ZNF85: variants seen among roughly 807,000 people sequenced by gnomAD.
The protein encoded by ZNF85 is zinc finger protein 85 (HPF4, HTF1).
In ZNF85, 50 loss-of-function variants were observed where a neutral mutation model predicts 53.9. The ratio of observed to expected loss-of-function variants is 0.93; its 90% CI spans 0.74 to 1.17. The LOEUF (loss-of-function observed/expected upper bound fraction) is 1.17. Ranked by LOEUF, ZNF85 falls within the 50% of genes most tolerant of loss-of-function variation. The pLI, the probability that ZNF85 is intolerant of heterozygous loss-of-function variation, is 0.00. For synonymous variants in ZNF85, 225 were observed against 226.1 expected, an observed-to-expected ratio of 1.00 and a Z score of 0.04; for missense variants, 747 against 688.5, an observed-to-expected ratio of 1.08 and a Z score of -0.95.
Position 20,941,132 on chromosome 19 carries a change from T to C in ZNF85, c.229+6085T>C, listed in dbSNP as rs368926880. 5.9e-5 allele frequency among the ~76,000 whole-genome samples: 9 copies of C among 152,348 alleles called. No individual in the cohort carries two copies. The South Asian group carries it at 1.0e-3, about 18-fold the overall frequency. On this transcript the variant is annotated intron_variant, in intron 3 of 3. Coordinates refer to ENST00000328178, the MANE Select transcript of ZNF85 (RefSeq NM_003429.5). ...CCACCAGTTAGTATGAGTTTTATTT[T>C]CATTGCATCAGCAACAAATTTGGTG... is the stretch of plus-strand genomic sequence containing the variant.
chr19:20,937,838 C>T (rs1365998868), intron 3 of ZNF85, among the ~76,000 whole-genome samples: 1 of 152,174 alleles, frequency 6.6e-6, no homozygotes, highest in Admixed American at 6.5e-5. Flanking sequence ...AGGGCAGGGC[C>T]TCTTTCATAC....
In ZNF85 at chr19:20,930,298, A is replaced by G. The variant is rs183441799; in HGVS notation, c.4-3726A>G. Among the ~76,000 whole-genome samples the G allele has an allele frequency of 2.1e-3, 321 of 152,284 alleles. 1 individual carries two copies. Among genetic ancestry groups the G allele is most frequent in the Admixed American group, 5.4e-3 (83 of 15,280 alleles). On this transcript the variant is annotated intron_variant, in intron 1 of 3. Transcript: ENST00000328178. ...TATTAAAGTGAGTGCTTGCAGAAAC[A>G]TTCTATTTAACAACTTGTTTTCTAT...
At chr19:20,946,224 A>T (rs1568554760) in intron 3 of ZNF85, 1 of 329,014 alleles carries the variant, frequency 3.0e-6, no homozygotes, top group South Asian at 2.8e-5. Context: ...CCCTGATTCC[A>T]TTTTTATCTT....
At position 20,935,784 on chromosome 19, in the gene ZNF85, A is replaced by G. The variant is rs889726749; in HGVS notation, c.229+737A>G. ...AGGCTGTTCTCAAACTCCCAACCTC[A>G]GGTGATCCATGTGCCTTGGCCTCCC... On this transcript the variant is annotated intron_variant, in intron 3 of 3. Coordinates refer to ENST00000328178, the MANE Select transcript of ZNF85 (RefSeq NM_003429.5). Among the ~76,000 whole-genome samples the G allele has an allele frequency of 1.4e-4, 22 of 152,016 alleles. 1 individual carries two copies. In the South Asian group the frequency reaches 4.6e-3, roughly 32 times the overall value.
intron 3 of ZNF85, among the ~76,000 whole-genome samples, chr19:20,946,044 G>A (rs66783200): frequency 3.1e-3 from 133 of 42,710 alleles, no homozygotes; most frequent in Middle Eastern, 9.6e-3. Flanking sequence ...TGCCTCAAAC[G>A]TTTTTTTTTT....
At chr19:20,932,169 C>T (rs1973038540) in intron 1 of ZNF85, among the ~76,000 whole-genome samples, 1 of 151,912 alleles carries the variant, frequency 6.6e-6, no homozygotes, top group Non-Finnish European at 1.5e-5. Context: ...GTAATTTGTT[C>T]AAAGAATCTC....
chr19:20,944,927 T>A (rs1183287439), intron 3 of ZNF85, among the ~76,000 whole-genome samples: 2 of 152,166 alleles, frequency 1.3e-5, no homozygotes, highest in Non-Finnish European at 1.5e-5. Flanking sequence ...AAATATTATT[T>A]CTATTTTCCT....
chr19:20,929,126 CT>C, intron 1 of ZNF85, among the ~76,000 whole-genome samples: 1 of 149,834 alleles, frequency 6.7e-6, no homozygotes. Context: ...GAGATAGAGT[CT>C]TGCTCTGTCA....
At position 20,950,274 on chromosome 19, in the gene ZNF85, T is replaced by C; in HGVS notation, c.1760T>C (p.Ile587Thr). The C allele has an allele frequency of 6.5e-7, 1 of 1,540,388 alleles. No individual in the cohort carries two copies. Among genetic ancestry groups the C allele is most frequent in the Non-Finnish European group, 8.7e-7 (1 of 1,148,654 alleles). ...WSSVLTKHKIIHTGEKLQI is the reference protein window; with the variant it reads ...WSSVLTKHKITHTGEKLQI Reference sequence around the variant, plus strand: ...TCAGTCCTTACTAAACATAAGATAATTCATACCGGAGAAAAATTACAAATA... The same window carrying C: ...TCAGTCCTTACTAAACATAAGATAACTCATACCGGAGAAAAATTACAAATA... The change falls in exon 4 of 4, where the codon ATT (isoleucine) becomes ACT (threonine). Residue 587 changes from isoleucine (I) to threonine (T), a missense_variant. Transcript: ENST00000328178.
intron 1 of ZNF85, 111 bp downstream of exon 1, chr19:20,923,514 T>C: frequency 1.3e-6 from 2 of 1,564,208 alleles, no homozygotes; most frequent in African/African-American, 2.7e-5. Flanking sequence ...CAATCTGCGC[T>C]CCAGTTCTTT....
intron 1 of ZNF85, 51 bp downstream of exon 1, chr19:20,923,454 C>A (rs150744715): frequency 6.2e-7 from 1 of 1,612,742 alleles, no homozygotes; most frequent in East Asian, 2.2e-5. Context: ...TGGTTGAAAC[C>A]GGTGGGAAGC....
chr19:20,934,292 C>A (rs1973104327), intron 2 of ZNF85, 142 bp downstream of exon 2: 1 of 1,189,680 alleles, frequency 8.4e-7, no homozygotes, highest in Non-Finnish European at 1.2e-6. Context: ...GGGATTAATA[C>A]ATGTAGAAAA....
In ZNF85 at chr19:20,950,388, T is replaced by C. The variant is rs536152830; in HGVS notation, c.*86T>C. ...GGAGAGAAACTACTAACCTGAAAGA[T>C]GTGACAATAATTTTGACAACACCTC... On this transcript the variant is annotated 3_prime_UTR_variant, in exon 4 of 4. Coordinates refer to ENST00000328178, the MANE Select transcript of ZNF85 (RefSeq NM_003429.5). 1 of 961,260 alleles carries C rather than the reference T, an allele frequency of 1.0e-6. No homozygotes were observed. The highest frequency in any genetic ancestry group is 1.7e-5 in the African/African-American group (1 of 60,036). The allele number at this position is 961,260 out of a possible 1,614,324, so 59.5% of individuals were successfully genotyped here. A position where few individuals can be genotyped will look rare whatever the true frequency, so the allele number is the denominator to read the frequency against.
chr19:20,933,448 A>G (rs903718438), intron 1 of ZNF85, among the ~76,000 whole-genome samples: 2 of 152,060 alleles, frequency 1.3e-5, no homozygotes, highest in African/African-American at 4.8e-5. Flanking sequence ...AAAATTAGGA[A>G]AAACACAGGT....
At chr19:20,939,095 T>C (rs1973232652) in intron 3 of ZNF85, among the ~76,000 whole-genome samples, 1 of 152,206 alleles carries the variant, frequency 6.6e-6, no homozygotes, top group African/African-American at 2.4e-5. Flanking sequence ...ATACAGTGCC[T>C]GCCAATGATT....
Position 20,935,037 on chromosome 19 carries a change from C to G in ZNF85, c.219C>G (p.Ala73=). ...TGAAGAGACATGAGATCATGGTGGC[C>G]AAACCCACAGGTAGGTGAAAGTGAA... ...WSMKRHEIMV[A]KPTVMCSHFA... The change falls in exon 3 of 4, where the codon GCC becomes GCG. Residue 73 remains alanine, a synonymous_variant. Coordinates refer to ENST00000328178, the MANE Select transcript of ZNF85 (RefSeq NM_003429.5). 1.9e-6 allele frequency: 3 copies of G among 1,608,446 alleles called. No homozygotes were observed. The South Asian group carries it at 3.3e-5, about 18-fold the overall frequency.
intron 3 of ZNF85, chr19:20,937,188 C>T (rs764756072): frequency 1.5e-4 from 58 of 375,602 alleles, no homozygotes; most frequent in Non-Finnish European, 1.9e-4. Context: ...TGCACCACAA[C>T]GTCTGGCCAA....
chr19:20,932,099 G>T (rs1279674330), intron 1 of ZNF85, among the ~76,000 whole-genome samples: 2 of 152,152 alleles, frequency 1.3e-5, no homozygotes, highest in Admixed American at 1.3e-4. Flanking sequence ...TGTGGGTCTG[G>T]TGGTAGCAGA....
Position 20,949,908 on chromosome 19 carries a change from A to C in ZNF85, c.1394A>C (p.Gln465Pro). ...GAAAAATGTGGCAAAGCTTTTAACC[A>C]GTCCTCAAATCTTACTAGACATAAG... ...ECEKCGKAFN[Q>P]SSNLTRHKKS... Residue 465 changes from glutamine (Q) to proline (P), a missense_variant, in exon 4 of 4, where the codon CAG becomes CCG. Transcript: ENST00000328178. 1 of 1,612,364 alleles carries C rather than the reference A, an allele frequency of 6.2e-7. No individual in the cohort carries two copies. Among genetic ancestry groups the C allele is most frequent in the Non-Finnish European group, 8.5e-7 (1 of 1,179,120 alleles).
Sources: allele counts gnomAD v4.1 joint callset (sites outside exome capture counted in the v4.1 genomes callset), GRCh38; gene constraint gnomAD v4.1.1; transcripts MANE v1.5; gene names NCBI Gene and HGNC (gene_info 2026-07-23, HGNC 2026-07-21).